SORCS3: variants seen among roughly 807,000 people sequenced by gnomAD.
The protein encoded by SORCS3 is sortilin related VPS10 domain containing receptor 3.
In SORCS3, 57 loss-of-function variants were observed where a neutral mutation model predicts 146.3. The ratio of observed to expected loss-of-function variants is 0.39; its 90% confidence interval spans 0.31 to 0.49. The LOEUF (loss-of-function observed/expected upper bound fraction) is 0.49, where lower values mean the gene tolerates loss of function less well. SORCS3 is among the 20% of genes least tolerant of loss of function. The pLI, the probability that SORCS3 is intolerant of heterozygous loss-of-function variation, is 0.92. For missense variants in SORCS3, 1,341 were observed against 1,575.5 expected (o/e 0.85, Z 2.52); for synonymous variants, 653 against 618.5 (o/e 1.06, Z -0.83).
Position 105,211,263 on chromosome 10 carries a change from C to T in SORCS3, c.2375+13C>T. 1 of 1,565,550 alleles carries T rather than the reference C, an allele frequency of 6.4e-7. No homozygotes were observed. Among genetic ancestry groups the T allele is most frequent in the Non-Finnish European group, 8.8e-7 (1 of 1,135,954 alleles). ...TTAACAGCACTGGGTAAGTAAAACA[C>T]CTACAGGAACTCAGCTCCCTGTTTT... On this transcript the variant is annotated intron_variant, in intron 17 of 26. Transcript: ENST00000369701.
intron 4 of SORCS3, among the ~76,000 whole-genome samples, chr10:105,025,901 A>G (rs2055225993): frequency 6.6e-6 from 1 of 150,878 alleles, no homozygotes; most frequent in Admixed American, 6.6e-5. Context: ...AAGTTAATGC[A>G]TGCAAATCTT....
At chr10:105,179,079 A>G (rs1222164773) in intron 14 of SORCS3, among the ~76,000 whole-genome samples, 1 of 152,214 alleles carries the variant, frequency 6.6e-6, no homozygotes, top group African/African-American at 2.4e-5. Flanking sequence ...CTAGGAGCCA[A>G]TAAGTGATCA....
intron 1 of SORCS3, among the ~76,000 whole-genome samples, chr10:104,727,456 C>A (rs2016649505): frequency 6.6e-6 from 1 of 151,738 alleles, no homozygotes; most frequent in Non-Finnish European, 1.5e-5. Flanking sequence ...GTCCAGTCAT[C>A]ATCTGCATAT....
chr10:104,893,876 T>C (rs2018773161), intron 2 of SORCS3, among the ~76,000 whole-genome samples: 1 of 152,184 alleles, frequency 6.6e-6, no homozygotes, highest in Admixed American at 6.5e-5. Flanking sequence ...ACCTCGGGTT[T>C]TCTCCTGTGA....
chr10:104,811,747 T>G (rs1564689341), intron 1 of SORCS3, among the ~76,000 whole-genome samples: 1 of 152,122 alleles, frequency 6.6e-6, no homozygotes, highest in East Asian at 1.9e-4. Context: ...GCAGGGCAGA[T>G]GATGGTGGCA....
intron 20 of SORCS3, among the ~76,000 whole-genome samples, chr10:105,228,068 C>A (rs1275970619): frequency 6.8e-6 from 1 of 146,766 alleles, no homozygotes; most frequent in East Asian, 2.1e-4. Flanking sequence ...TTAGCTTTAA[C>A]TTTACTGAGG....
At chr10:105,204,989 C>T (rs1420229442) in intron 16 of SORCS3, among the ~76,000 whole-genome samples, 1 of 152,158 alleles carries the variant, frequency 6.6e-6, no homozygotes, top group Non-Finnish European at 1.5e-5. Context: ...CTCAATGGTC[C>T]TCTCTAGCAG....
At chr10:105,055,980 A>G (rs1428528456) in intron 5 of SORCS3, among the ~76,000 whole-genome samples, 1 of 152,232 alleles carries the variant, frequency 6.6e-6, no homozygotes, top group Non-Finnish European at 1.5e-5. Flanking sequence ...GACCATGGCC[A>G]GAAATGGAAA....
intron 1 of SORCS3, among the ~76,000 whole-genome samples, chr10:104,801,715 C>T (rs183434665): frequency 3.6e-4 from 54 of 152,062 alleles, no homozygotes; most frequent in South Asian, 2.1e-4. Context: ...AAGCAGGGCC[C>T]GAAAGAAGGA....
At chr10:104,658,865 T>C (rs2015666187) in intron 1 of SORCS3, among the ~76,000 whole-genome samples, 1 of 152,106 alleles carries the variant, frequency 6.6e-6, no homozygotes, top group South Asian at 2.1e-4. Context: ...TTTTTGCTTT[T>C]GTTTTTGTTT....
At chr10:104,692,901 A>C (rs2016130793) in intron 1 of SORCS3, among the ~76,000 whole-genome samples, 2 of 152,240 alleles carry the variant, frequency 1.3e-5, no homozygotes, top group Non-Finnish European at 2.9e-5. Flanking sequence ...ATCTGTTTAA[A>C]TCTGCAGCTG....
At chr10:105,033,457 G>A (rs1239234066) in intron 4 of SORCS3, among the ~76,000 whole-genome samples, 1 of 152,156 alleles carries the variant, frequency 6.6e-6, no homozygotes, top group African/African-American at 2.4e-5. Flanking sequence ...TTATCTCTAA[G>A]GCCATGTTTA....
chr10:104,820,345 G>A (rs1032316), intron 1 of SORCS3, among the ~76,000 whole-genome samples: 1 of 152,032 alleles, frequency 6.6e-6, no homozygotes, highest in African/African-American at 2.4e-5. Flanking sequence ...GGTACTACTT[G>A]CATTATTGTC....
intron 11 of SORCS3, among the ~76,000 whole-genome samples, chr10:105,159,948 T>C (rs1290761905): frequency 1.3e-5 from 2 of 152,170 alleles, no homozygotes; most frequent in Non-Finnish European, 1.5e-5. Context: ...GACACCACAG[T>C]GGTATTAAGC....
chr10:105,249,356 A>G (rs1342383941), intron 22 of SORCS3, among the ~76,000 whole-genome samples: 1 of 152,184 alleles, frequency 6.6e-6, no homozygotes, highest in Non-Finnish European at 1.5e-5. Flanking sequence ...GTAAGAGAAG[A>G]GGCTGTGGAG....
chr10:104,650,578 G>A (rs1254864810), intron 1 of SORCS3, among the ~76,000 whole-genome samples: 1 of 152,264 alleles, frequency 6.6e-6, no homozygotes, highest in Non-Finnish European at 1.5e-5. Context: ...GATTCAGCTG[G>A]AAGTGATGCT....
At chr10:104,865,478 G>A (rs914438379) in intron 2 of SORCS3, among the ~76,000 whole-genome samples, 2 of 152,312 alleles carry the variant, frequency 1.3e-5, no homozygotes, top group Admixed American at 6.5e-5. Context: ...TCTGAGAAGG[G>A]AAATGACTTG....
intron 7 of SORCS3, among the ~76,000 whole-genome samples, chr10:105,123,042 C>T (rs1265542212): frequency 1.3e-5 from 2 of 152,238 alleles, no homozygotes; most frequent in Non-Finnish European, 2.9e-5. Context: ...TAAAGAAGGG[C>T]TTCCAAATCT....
At chr10:105,168,343 CGAT>C (rs1223807212) in intron 13 of SORCS3, among the ~76,000 whole-genome samples, 38 of 152,064 alleles carry the variant, frequency 2.5e-4, no homozygotes, top group African/African-American at 9.2e-4. Context: ...ATGATGACGA[CGAT>C]GACAACGATG....
Sources: allele counts gnomAD v4.1 joint callset (sites outside exome capture counted in the v4.1 genomes callset), GRCh38; gene constraint gnomAD v4.1.1; transcripts MANE v1.5; gene names NCBI Gene and HGNC (gene_info 2026-07-23, HGNC 2026-07-21).